SPG11: variants seen among roughly 807,000 people sequenced by gnomAD.
SPG11 encodes the protein spatacsin.
A neutral mutation model predicts 274.0 loss-of-function variants in SPG11; 222 were observed. The observed-to-expected ratio is 0.81, with a 90% CI of 0.73 to 0.91. The LOEUF is 0.91. Among genes scored for constraint, SPG11 ranks in the 40% least tolerant of loss-of-function variants. SPG11 has a pLI of 0.00. For missense variants in SPG11, 3,114 were observed against 2,872.7 expected (o/e 1.08, Z -1.92); for synonymous variants, 1,144 against 1,039.7 (o/e 1.10, Z -1.93).
intron 18 of SPG11, among the ~76,000 whole-genome samples, chr15:44,610,580 G>A (rs576124496): frequency 3.3e-5 from 5 of 151,850 alleles, no homozygotes; most frequent in Admixed American, 1.3e-4. Flanking sequence ...GTTTCACCAC[G>A]TTGGCCAGGC....
intron 3 of SPG11, 97 bp from the exon 4 acceptor site, chr15:44,657,393 T>C (rs1486168261): frequency 1.8e-6 from 2 of 1,121,296 alleles, no homozygotes; most frequent in Non-Finnish European, 2.6e-6. Flanking sequence ...ATCACTCCAA[T>C]TTTGTAGGTA....
rs1377267342 is a variant in SPG11, at chr15:44,598,695, A to G, written c.3828T>C (p.Asn1276=). The change falls in exon 22 of 40, where the codon AAT becomes AAC. Residue 1276 remains asparagine (N), a synonymous_variant. Transcript: ENST00000261866. The part of the protein sequence containing the change: ...LKLRVDMKVA[N]IILSYKCRNE... ...TTCTGCACTTGTAGCTCAAAATTAT[A>G]TTGGCCACTTTCATATCAACTCTGA... 16 of 1,614,098 alleles carry G rather than the reference A, an allele frequency of 9.9e-6. No homozygotes were observed. The highest frequency in any genetic ancestry group is 1.4e-5 in the Non-Finnish European group (16 of 1,180,044).
intron 36 of SPG11, among the ~76,000 whole-genome samples, chr15:44,566,587 C>A (rs921105913): frequency 4.6e-5 from 7 of 152,132 alleles, no homozygotes; most frequent in Non-Finnish European, 1.0e-4. Context: ...GTGGATGATA[C>A]CCTGGATATA....
At chr15:44,653,765 A>C (rs2084855208) in intron 4 of SPG11, among the ~76,000 whole-genome samples, 1 of 152,186 alleles carries the variant, frequency 6.6e-6, no homozygotes, top group South Asian at 2.1e-4. Flanking sequence ...CAGTGGATAC[A>C]TTCAAGACAC....
chr15:44,581,941 G>A (rs2082666297), intron 30 of SPG11, among the ~76,000 whole-genome samples: 2 of 152,006 alleles, frequency 1.3e-5, no homozygotes, highest in South Asian at 4.1e-4. Flanking sequence ...AAATTAAAAT[G>A]GAAGACTAAA....
intron 29 of SPG11, among the ~76,000 whole-genome samples, chr15:44,585,356 G>A (rs1276532179): frequency 1.3e-5 from 2 of 149,612 alleles, no homozygotes; most frequent in East Asian, 2.0e-4. Flanking sequence ...TTGGGAGGCA[G>A]AGGCGGGCGG....
At chr15:44,593,547 T>C (rs1015399655) in intron 26 of SPG11, among the ~76,000 whole-genome samples, 2 of 152,176 alleles carry the variant, frequency 1.3e-5, no homozygotes, top group Admixed American at 1.3e-4. Context: ...CCTTACCTAC[T>C]GTTGCCTGTG....
At chr15:44,634,975 G>A (rs1026196184) in intron 7 of SPG11, among the ~76,000 whole-genome samples, 4 of 151,210 alleles carry the variant, frequency 2.6e-5, no homozygotes, top group African/African-American at 9.7e-5. Flanking sequence ...TCCCAGCTTG[G>A]GAGGTCGAGG....
Position 44,567,472 on chromosome 15 carries a change from C to T in SPG11, c.6706G>A (p.Glu2236Lys), listed in dbSNP as rs369245384. ...SMCREIGENH[E>K]AAARIQLKLI... is the part of the protein sequence containing the mutation. Reference sequence around the variant, plus strand: ...TTCAGTTGGATGCGGGCAGCTGCCTCGTGGTTCTCGCCAATCTCCCGGCAC... The same window carrying T: ...TTCAGTTGGATGCGGGCAGCTGCCTTGTGGTTCTCGCCAATCTCCCGGCAC... The change falls in exon 36 of 40, where the codon GAG becomes AAG. Residue 2236 changes from glutamate to lysine, a missense_variant. Glu to Lys is a moderately conservative substitution (Grantham distance 56). Coordinates refer to ENST00000261866, the MANE Select transcript of SPG11 (RefSeq NM_025137.4). 8.7e-6 allele frequency: 14 copies of T among 1,613,894 alleles called. No individual in the cohort carries two copies. The South Asian group carries it at 8.8e-5, about 10-fold the overall frequency.
At chr15:44,646,922 T>A (rs2084627994) in intron 7 of SPG11, among the ~76,000 whole-genome samples, 1 of 152,108 alleles carries the variant, frequency 6.6e-6, no homozygotes, top group African/African-American at 2.4e-5. Context: ...CAAACCCCCA[T>A]GATATGCAAT....
At chr15:44,636,951 A>AAAAAAAAAAAAAAAAAAAAAAAAAG (rs2084289416) in intron 7 of SPG11, among the ~76,000 whole-genome samples, 1 of 128,902 alleles carries the variant, frequency 7.8e-6, no homozygotes, top group Non-Finnish European at 1.6e-5. Context: ...AAAAAAAAAA[A>AAAAAAAAAAAAAAAAAAAAAAAAAG]AAAAAACAAA....
At position 44,621,936 on chromosome 15, in the gene SPG11, TA is replaced by T; in HGVS notation, c.2445-3del. The T allele has an allele frequency of 6.2e-7, 1 of 1,604,380 alleles. No individual in the cohort carries two copies. Among genetic ancestry groups the T allele is most frequent in the Non-Finnish European group, 8.5e-7 (1 of 1,175,942 alleles). The stretch of plus-strand genomic sequence containing the variant: ...AAATCTTGTTCCTTTATCCAGTACC[TA>T]AAAACAGTGATATAAATTTTTTTTT... On this transcript the variant is annotated splice_region_variant and splice_polypyrimidine_tract_variant and intron_variant, in intron 13 of 39. Coordinates refer to ENST00000261866, the MANE Select transcript of SPG11 (RefSeq NM_025137.4).
intron 19 of SPG11, among the ~76,000 whole-genome samples, chr15:44,607,039 G>T (rs1448989069): frequency 6.6e-6 from 1 of 152,104 alleles, no homozygotes; most frequent in Non-Finnish European, 1.5e-5. Context: ...CTAAAACAAG[G>T]TAAGACACTT....
At chr15:44,595,896 C>T (rs1341928593) in intron 25 of SPG11, among the ~76,000 whole-genome samples, 187 bp downstream of exon 25, 1 of 152,212 alleles carries the variant, frequency 6.6e-6, no homozygotes, top group Non-Finnish European at 1.5e-5. Flanking sequence ...TGTCAAGGCA[C>T]AAGAAAGTAC....
rs758762845 is a variant in SPG11 at position 44,595,295 on chromosome 15, G to C, written c.4599C>G (p.Ser1533Arg). The C allele has an allele frequency of 6.2e-7, 1 of 1,614,098 alleles. No homozygotes were observed. The highest frequency in any genetic ancestry group is 1.3e-5 in the African/African-American group (1 of 74,942). Residue 1533 changes from serine (S) to arginine (R), a missense_variant, in exon 26 of 40, where the codon AGC (serine) becomes AGG (arginine). Ser to Arg is a moderately radical substitution (Grantham distance 110). Coordinates refer to ENST00000261866, the MANE Select transcript of SPG11 (RefSeq NM_025137.4). Reference sequence around the variant, plus strand: ...GCTGGAAACCTCTGATGAGAGTTTTGCTCTTTTGTCTTGTTAATAATGTTC... The same window carrying C: ...GCTGGAAACCTCTGATGAGAGTTTTCCTCTTTTGTCTTGTTAATAATGTTC... The part of the protein sequence containing the change: ...IWRTLLTRQK[S>R]KTLIRGFQLF...
intron 30 of SPG11, among the ~76,000 whole-genome samples, chr15:44,583,552 G>A (rs1211477469): frequency 6.6e-6 from 1 of 152,194 alleles, no homozygotes; most frequent in Admixed American, 6.5e-5. Context: ...ATTTACAGAT[G>A]TATAGAATAT....
At chr15:44,598,190 C>T (rs2083091829) in intron 23 of SPG11, 75 bp downstream of exon 23, 2 of 1,099,178 alleles carry the variant, frequency 1.8e-6, no homozygotes, top group Non-Finnish European at 2.8e-6. Context: ...CAGAGTTGTT[C>T]AAAGAAAAAC....
At chr15:44,597,494 A>T (rs1378280146) in intron 23 of SPG11, among the ~76,000 whole-genome samples, 1 of 152,302 alleles carries the variant, frequency 6.6e-6, no homozygotes, top group East Asian at 1.9e-4. Context: ...CAAGTCATCA[A>T]TCAAGTACCT....
At position 44,663,611 on chromosome 15, in the gene SPG11, C is replaced by T; in HGVS notation, c.37G>A (p.Ala13Thr). Residue 13 changes from alanine to threonine, a missense_variant, in exon 1 of 40, where the codon GCC (alanine) becomes ACC (threonine). By Grantham distance (58) the Ala-to-Thr change is moderately conservative. Coordinates refer to ENST00000261866, the MANE Select transcript of SPG11 (RefSeq NM_025137.4). Reference protein sequence around the residue: ...AEEGVASAASAGGSWGTAAMG... With the variant: ...AEEGVASAASTGGSWGTAAMG... ...GCCGCGGTGCCCCAGCTACCGCCGG[C>T]GGAAGCAGCACTCGCGACCCCTTCC... 1 of 1,596,560 alleles carries T rather than the reference C, an allele frequency of 6.3e-7. No individual in the cohort carries two copies. Among genetic ancestry groups the T allele is most frequent in the African/African-American group, 1.3e-5 (1 of 74,950 alleles).
Sources: gnomAD v4.1 joint callset for allele counts (sites outside exome capture counted in the v4.1 genomes callset) on GRCh38, gnomAD v4.1.1 for gene constraint, MANE v1.5 for transcripts, NCBI Gene and HGNC (gene_info 2026-07-23, HGNC 2026-07-21) for gene names.